The following MEIOSIN variants were observed in gnomAD, a reference collection of about 807,000 sequenced individuals.
The protein encoded by MEIOSIN is meiosis initiator.
In MEIOSIN, 18 loss-of-function variants were observed where a neutral mutation model predicts 23.4. The observed-to-expected ratio is 0.77, with a 90% CI of 0.53 to 1.14. The LOEUF (loss-of-function observed/expected upper bound fraction) is 1.14, where lower values mean the gene tolerates loss of function less well. Among genes scored for constraint, MEIOSIN ranks in the 50% most tolerant of loss-of-function variants. The pLI, the probability that MEIOSIN is intolerant of heterozygous loss-of-function variation, is 0.00. For missense variants in MEIOSIN, 428 were observed against 242.9 expected (o/e 1.76, Z -5.07); for synonymous variants, 187 against 100.6 (o/e 1.86, Z -5.14).
In MEIOSIN at chr19:45,761,670, A is replaced by C; in HGVS notation, c.1246-9A>C. 1 of 700,986 alleles carries C rather than the reference A, an allele frequency of 1.4e-6. No homozygotes were observed. Among genetic ancestry groups the C allele is most frequent in the Non-Finnish European group, 2.6e-6 (1 of 383,970 alleles). The allele number at this position is 700,986 out of a possible 1,614,324, so 43.4% of individuals were successfully genotyped here. On this transcript the variant is annotated splice_polypyrimidine_tract_variant and intron_variant, in intron 11 of 14. Coordinates refer to ENST00000457052, the MANE Select transcript of MEIOSIN (RefSeq NM_001310124.2). ...TCCCCTCCCATCTTTCTCCCTCATCATGCCCCAGGACACAGCCTCCAAGGC... is the reference window on the plus strand; with the variant it reads ...TCCCCTCCCATCTTTCTCCCTCATCCTGCCCCAGGACACAGCCTCCAAGGC...
chr19:45,761,989 A>G lies in MEIOSIN; in HGVS notation c.1485A>G (p.Glu495=). Residue 495 remains glutamate (E), a synonymous_variant, in exon 13 of 15, where the codon GAA becomes GAG. Transcript: ENST00000457052. ...CGCCGGGCTCCAGCGAAGAGGACGA[A>G]GACACCACATGGACCCCCACCCGGC... ...VGTPGSSEED[E]DTTWTPTRLA... 1 of 545,398 alleles carries G rather than the reference A, an allele frequency of 1.8e-6. No homozygotes were observed. Among genetic ancestry groups the G allele is most frequent in the East Asian group, 3.0e-5 (1 of 33,036 alleles). The allele number at this position is 545,398 out of a possible 1,614,324, so 33.8% of individuals were successfully genotyped here.
At chr19:45,742,307 T>C (rs1323242524) in intron 3 of MEIOSIN, among the ~76,000 whole-genome samples, 1 of 152,064 alleles carries the variant, frequency 6.6e-6, no homozygotes, top group Non-Finnish European at 1.5e-5. Flanking sequence ...CACCCAGCCT[T>C]GTCTCTACAA....
intron 4 of MEIOSIN, among the ~76,000 whole-genome samples, chr19:45,750,420 C>T (rs193284085): frequency 3.4e-5 from 5 of 146,230 alleles, no homozygotes; most frequent in East Asian, 2.1e-4. Context: ...AGTGCAACGG[C>T]GTGATCTTGG....
Position 45,753,706 on chromosome 19 carries a change from C to G in MEIOSIN, c.474C>G (p.Pro158=). ...GPARRRRHST[P]SSSPSSQKSC... Reference sequence around the variant, plus strand: ...CCAGGCGGAGGAGACACTCTACCCCCTCCAGCTCCCCAAGCTCTCAGAAGT... The same window carrying G: ...CCAGGCGGAGGAGACACTCTACCCCGTCCAGCTCCCCAAGCTCTCAGAAGT... Residue 158 remains proline, a synonymous_variant, in exon 6 of 15, where the codon CCC becomes CCG. Transcript: ENST00000457052. The G allele has an allele frequency of 1.4e-6, 1 of 703,002 alleles. No homozygotes were observed. The highest frequency in any genetic ancestry group is 2.6e-6 in the Non-Finnish European group (1 of 384,984). The allele number at this position is 703,002 out of a possible 1,614,324, so 43.5% of individuals were successfully genotyped here.
At chr19:45,757,081 A>T in intron 8 of MEIOSIN, 96 bp from the exon 9 acceptor site, 1 of 638,948 alleles carries the variant, frequency 1.6e-6, no homozygotes, top group East Asian at 2.8e-5. Context: ...CACCCCCAGC[A>T]CTCCCCCAGG....
chr19:45,750,287 C>T (rs1183171901), intron 4 of MEIOSIN, among the ~76,000 whole-genome samples: 2 of 148,352 alleles, frequency 1.3e-5, no homozygotes, highest in Non-Finnish European at 3.0e-5. Flanking sequence ...TCTCTGGTCC[C>T]CAGCAGCCCC....
At chr19:45,746,310 T>C (rs1224732053) in intron 4 of MEIOSIN, among the ~76,000 whole-genome samples, 4 of 152,184 alleles carry the variant, frequency 2.6e-5, no homozygotes, top group African/African-American at 9.6e-5. Context: ...GGTTGGTTCC[T>C]CTTAGAAGCT....
At chr19:45,740,578 G>A (rs550581770) in intron 3 of MEIOSIN, among the ~76,000 whole-genome samples, 47 of 151,970 alleles carry the variant, frequency 3.1e-4, no homozygotes, top group Middle Eastern at 6.8e-3. Flanking sequence ...GTGAAACCCC[G>A]TCTCTACTAA....
chr19:45,755,784 A>C (rs1231756062), intron 7 of MEIOSIN, among the ~76,000 whole-genome samples, 186 bp from the exon 8 acceptor site: 3 of 152,014 alleles, frequency 2.0e-5, no homozygotes, highest in Non-Finnish European at 4.4e-5. Flanking sequence ...GATTCAAAAA[A>C]CCCAGGGGTG....
chr19:45,762,313 A>G (rs1968962537), intron 13 of MEIOSIN, 130 bp downstream of exon 13: 1 of 398,220 alleles, frequency 2.5e-6, no homozygotes, highest in East Asian at 3.6e-5. Flanking sequence ...CCCTTCGTGG[A>G]CCACAGTTCT....
At chr19:45,743,681 C>G (rs1600378433) in intron 3 of MEIOSIN, among the ~76,000 whole-genome samples, 1 of 151,914 alleles carries the variant, frequency 6.6e-6, no homozygotes, top group African/African-American at 2.4e-5. Flanking sequence ...GCCACCACAC[C>G]TGGCTGATTT....
chr19:45,752,971 T>A (rs1968745011), intron 5 of MEIOSIN, among the ~76,000 whole-genome samples: 1 of 146,276 alleles, frequency 6.8e-6, no homozygotes, highest in African/African-American at 2.5e-5. Context: ...TCGCCCAGGC[T>A]GGAGTGAAGT....
rs960932007 is a variant in MEIOSIN, at chr19:45,754,728, G to T, written c.802+4G>T. ...ACCATCCACTGTGACATCTCAAGTG[G>T]GTCTCTTTCCTCACTCTGAACTTAG... On this transcript the variant is annotated splice_donor_region_variant and intron_variant, in intron 7 of 14. Transcript: ENST00000457052. 1.4e-6 allele frequency: 1 copy of T among 702,902 alleles called. No homozygotes were observed. The highest frequency in any genetic ancestry group is 1.7e-5 in the African/African-American group (1 of 57,376). 43.5% of individuals were successfully genotyped at this position (702,902 alleles called of 1,614,324 possible).
chr19:45,757,335 A>G, intron 9 of MEIOSIN, 58 bp downstream of exon 9: 2 of 685,260 alleles, frequency 2.9e-6, no homozygotes, highest in Non-Finnish European at 2.7e-6. Flanking sequence ...CCATACTTTC[A>G]GTCTGAGGAT....
At chr19:45,763,866 TA>T (rs1344106922) in intron 14 of MEIOSIN, 104 bp from the exon 15 acceptor site, 2 of 397,908 alleles carry the variant, frequency 5.0e-6, no homozygotes, top group African/African-American at 4.1e-5. Context: ...CAATAGAGGC[TA>T]AAACGGTGGC....
intron 8 of MEIOSIN, 46 bp from the exon 9 acceptor site, chr19:45,757,131 T>C (rs778430260): frequency 8.6e-6 from 6 of 699,720 alleles, no homozygotes; most frequent in African/African-American, 1.7e-5. Context: ...TAGCAGTTTC[T>C]AGCCCAGAGT....
Position 45,764,312 on chromosome 19 carries a change from A to G in MEIOSIN, c.*194A>G, listed in dbSNP as rs1600395202. 13 of 394,718 alleles carry G rather than the reference A, an allele frequency of 3.3e-5. 1 individual carries two copies. The East Asian group carries it at 4.7e-4, about 14-fold the overall frequency. 24.5% of individuals were successfully genotyped at this position (394,718 alleles called of 1,614,324 possible). A position where few individuals can be genotyped will look rare whatever the true frequency, so the allele number is the denominator to read the frequency against. ...TTTGCCTGGAGCACCAGAGTCACCCACAGCTGCCTTGATTCTCCCCCAGGC... is the reference window on the plus strand; with the variant it reads ...TTTGCCTGGAGCACCAGAGTCACCCGCAGCTGCCTTGATTCTCCCCCAGGC... On this transcript the variant is annotated 3_prime_UTR_variant, in exon 15 of 15. Transcript: ENST00000457052.
intron 10 of MEIOSIN, 50 bp downstream of exon 10, chr19:45,759,083 G>A: frequency 1.4e-6 from 1 of 702,370 alleles, no homozygotes; most frequent in Non-Finnish European, 2.6e-6. Context: ...GAAACATACG[G>A]TGCCCAGGCC....
At chr19:45,739,447 T>C (rs116465705) in intron 2 of MEIOSIN, among the ~76,000 whole-genome samples, 179 bp from the exon 3 acceptor site, 5,645 of 152,040 alleles carry the variant, frequency 0.037, 360 homozygotes, top group African/African-American at 0.13. Context: ...GTCATTGTGC[T>C]CAGCTGCAGG....
Sources: allele counts gnomAD v4.1 joint callset (sites outside exome capture counted in the v4.1 genomes callset), GRCh38; gene constraint gnomAD v4.1.1; transcripts MANE v1.5; gene names NCBI Gene and HGNC (gene_info 2026-07-23, HGNC 2026-07-21).